The following CDC42BPG variants were observed in gnomAD, a reference collection of about 807,000 sequenced individuals.
The protein encoded by CDC42BPG is CDC42 binding protein kinase gamma.
In CDC42BPG, 157 loss-of-function variants were observed where a neutral mutation model predicts 192.2. That is an observed-to-expected ratio of 0.82 (90% CI 0.72 to 0.93). CDC42BPG has a LOEUF of 0.93. CDC42BPG is among the 40% of genes least tolerant of loss of function. The probability of loss-of-function intolerance (pLI) is 0.00; values close to 1 mark genes in which losing one functional copy is unlikely to be tolerated. For synonymous variants in CDC42BPG, 981 were observed against 918.5 expected (o/e 1.07, Z -1.23); for missense variants, 1,992 against 2,122.1 (o/e 0.94, Z 1.20).
chr11:64,825,701 C>T (rs576305914), intron 36 of CDC42BPG, among the ~76,000 whole-genome samples: 1 of 152,094 alleles, frequency 6.6e-6, no homozygotes, highest in East Asian at 1.9e-4. Context: ...TTTTCCCCTG[C>T]CCTCATTCAG....
chr11:64,838,938 G>A lies in CDC42BPG; in HGVS notation c.877-36C>T, dbSNP rs776063773. The A allele has an allele frequency of 2.5e-6, 4 of 1,607,912 alleles. No individual in the cohort carries two copies. In the South Asian group the frequency reaches 3.3e-5, roughly 13 times the overall value. ...GGGGAGGGGGCAGGCTGGGTCAAGT[G>A]TCCAGGAACCCAGCCTCACCTGCCG... On this transcript the variant is annotated intron_variant, in intron 7 of 36. Coordinates refer to ENST00000342711, the MANE Select transcript of CDC42BPG (RefSeq NM_017525.3).
At position 64,829,759 on chromosome 11, in the gene CDC42BPG, T is replaced by G. The variant is rs1186550273; in HGVS notation, c.3679A>C (p.Thr1227Pro). The stretch of plus-strand genomic sequence containing the variant: ...CCCAGCAGCCCCAGGCTCTGCACAG[T>G]GGCAGGTGCCTGCAGCTCACGGATG... Reference protein sequence around the residue: ...RRIRELQAPATVQSLGLLGDR... With the variant: ...RRIRELQAPAPVQSLGLLGDR... The change falls in exon 30 of 37, where the codon ACT becomes CCT. Residue 1227 changes from threonine (T) to proline (P), a missense_variant. Physicochemically the swap from Thr to Pro is conservative, Grantham distance 38. Around this residue, in one of 2 missense-constraint regions of CDC42BPG, gnomAD observed 1,656 missense variants for 1,844.3 expected, o/e 0.90. Coordinates refer to ENST00000342711, the MANE Select transcript of CDC42BPG (RefSeq NM_017525.3). 5 of 1,601,808 alleles carry G rather than the reference T, an allele frequency of 3.1e-6. No individual in the cohort carries two copies. Among genetic ancestry groups the G allele is most frequent in the Admixed American group, 3.5e-5 (2 of 57,832 alleles).
At position 64,836,705 on chromosome 11, in the gene CDC42BPG, CTGGG is replaced by C. The variant is rs1166160049; in HGVS notation, c.1384+30_1384+33del. ...ACCCGAGCCCAGGTGGGACTCAGCC[CTGGG>C]GGGGGGGGGGGGGTGGGCGGAAGGG... On this transcript the variant is annotated intron_variant, in intron 11 of 36. Coordinates refer to ENST00000342711, the MANE Select transcript of CDC42BPG (RefSeq NM_017525.3). 513 of 353,176 alleles carry C rather than the reference CTGGG, an allele frequency of 1.5e-3. 15 individuals carry two copies. The African/African-American group carries it at 0.017, about 12-fold the overall frequency. The allele number at this position is 353,176 out of a possible 1,614,324, so 21.9% of individuals were successfully genotyped here.
Position 64,841,570 on chromosome 11 carries a change from G to A in CDC42BPG, c.336+80C>T, listed in dbSNP as rs560758938. On this transcript the variant is annotated intron_variant, in intron 3 of 36. Transcript: ENST00000342711. The stretch of plus-strand genomic sequence containing the variant: ...GTCTGCAGCCTTGCCCGCCCCCCCC[G>A]CGCCATAGGCCCTGGCAGCATACAC... 1.2e-3 allele frequency: 542 copies of A among 464,346 alleles called. 7 individuals carry two copies. The South Asian group carries it at 0.02, about 17-fold the overall frequency. The allele number at this position is 464,346 out of a possible 1,614,324, so 28.8% of individuals were successfully genotyped here. A position where few individuals can be genotyped will look rare whatever the true frequency, so the allele number is the denominator to read the frequency against.
rs967940199 is a variant in CDC42BPG, at chr11:64,832,311, C to T, written c.3087+117G>A. The T allele has an allele frequency of 1.7e-5, 18 of 1,044,748 alleles. No individual in the cohort carries two copies. In the Admixed American group the frequency reaches 3.0e-4, roughly 17 times the overall value. 64.7% of individuals were successfully genotyped at this position (1,044,748 alleles called of 1,614,324 possible). A position where few individuals can be genotyped will look rare whatever the true frequency, so the allele number is the denominator to read the frequency against. On this transcript the variant is annotated intron_variant, in intron 27 of 36. Coordinates refer to ENST00000342711, the MANE Select transcript of CDC42BPG (RefSeq NM_017525.3). ...CCGGGCCAGGTGCTCACGTGGAAAG[C>T]GTGCTGTGGTTGTGGGCTGGCCCAA...
In CDC42BPG at chr11:64,834,362, G is replaced by C; in HGVS notation, c.2325-8C>G. On this transcript the variant is annotated splice_region_variant and splice_polypyrimidine_tract_variant and intron_variant, in intron 19 of 36. Coordinates refer to ENST00000342711, the MANE Select transcript of CDC42BPG (RefSeq NM_017525.3). ...TCGGCCTCCTGCAGACGGCTGGGGA[G>C]AATGGCAAGGGCTCGCCACTGGCCT... 2 of 1,566,216 alleles carry C rather than the reference G, an allele frequency of 1.3e-6. No individual in the cohort carries two copies. Among genetic ancestry groups the C allele is most frequent in the Non-Finnish European group, 1.7e-6 (2 of 1,159,598 alleles).
Position 64,838,103 on chromosome 11 carries a change from G to A in CDC42BPG, c.1185C>T (p.Gly395=). Residue 395 remains glycine, a synonymous_variant, in exon 9 of 37, where the codon GGC becomes GGT. Transcript: ENST00000342711. ...AFSGHHLPFV[G]FTYTSGSHSP... is the part of the protein sequence containing the mutation. ...CTCACCTGCCTGAGGTGTAGGTGAA[G>A]CCCACGAATGGCAGGTGATGGCCGG... 6.4e-7 allele frequency: 1 copy of A among 1,552,228 alleles called. No individual in the cohort carries two copies. Among genetic ancestry groups the A allele is most frequent in the Non-Finnish European group, 8.7e-7 (1 of 1,148,106 alleles).
At chr11:64,824,673 T>A in intron 36 of CDC42BPG, 144 bp from the exon 37 acceptor site, 1 of 607,738 alleles carries the variant, frequency 1.6e-6, no homozygotes, top group Non-Finnish European at 3.0e-6. Context: ...AGGTGAGGAG[T>A]AGAGGTGGTA....
chr11:64,824,500 TA>T lies in CDC42BPG; in HGVS notation c.4628del (p.Leu1543HisfsTer14), dbSNP rs757710665. ...AAGGAGAGCTCTCCAATTCAGGGGA[TA>T]GGGGGAGGCTTCGGGGCCGTTCTGA... ...QVSERPRSLP[L>X]SPELESSP On this transcript the variant is annotated frameshift_variant, in exon 37 of 37. Transcript: ENST00000342711. LOFTEE classifies it high-confidence loss of function. 8.7e-6 allele frequency: 14 copies of T among 1,607,330 alleles called. No homozygotes were observed. Among genetic ancestry groups the T allele is most frequent in the Non-Finnish European group, 1.0e-5 (12 of 1,174,022 alleles).
At chr11:64,826,392 C>A in intron 36 of CDC42BPG, 78 bp downstream of exon 36, 1 of 980,516 alleles carries the variant, frequency 1.0e-6, no homozygotes, top group South Asian at 1.4e-5. Flanking sequence ...TAGCCTAGGT[C>A]ACTGTGCAAG....
At chr11:64,843,021 G>T (rs1044681664) in intron 1 of CDC42BPG, among the ~76,000 whole-genome samples, 1 of 151,908 alleles carries the variant, frequency 6.6e-6, no homozygotes, top group African/African-American at 2.4e-5. Context: ...GAGCAGCCCC[G>T]GGCCTCCCCG....
Position 64,840,587 on chromosome 11 carries a change from G to C in CDC42BPG, c.398C>G (p.Thr133Ser), listed in dbSNP as rs769004637. The part of the protein sequence containing the change: ...LVKGDSRWVT[T>S]LHYAFQDEEY... Reference sequence around the variant, plus strand: ...CTCGTCTTGGAAGGCATAGTGCAGAGTGGTCACCCAACGGCTGTCCCCTTT... The same window carrying C: ...CTCGTCTTGGAAGGCATAGTGCAGACTGGTCACCCAACGGCTGTCCCCTTT... Residue 133 changes from threonine (T) to serine (S), a missense_variant, in exon 4 of 37, where the codon ACT becomes AGT. Thr to Ser is a moderately conservative substitution (Grantham distance 58). Transcript: ENST00000342711. The C allele has an allele frequency of 1.2e-6, 2 of 1,614,010 alleles. No homozygotes were observed. The highest frequency in any genetic ancestry group is 1.3e-5 in the African/African-American group (1 of 75,078).
intron 20 of CDC42BPG, 83 bp downstream of exon 20, chr11:64,834,183 G>A (rs1010259183): frequency 2.1e-6 from 3 of 1,443,938 alleles, no homozygotes; most frequent in Admixed American, 2.1e-5. Flanking sequence ...CCACCACCCT[G>A]CCAGGCCATC....
At chr11:64,830,140 GC>G in intron 29 of CDC42BPG, 53 bp downstream of exon 29, 1 of 1,612,698 alleles carries the variant, frequency 6.2e-7, no homozygotes, top group Non-Finnish European at 8.5e-7. Context: ...ATCCTCCTCT[GC>G]CCGCTGGGGC....
chr11:64,838,638 G>A lies in CDC42BPG; in HGVS notation c.1125+16C>T. On this transcript the variant is annotated intron_variant, in intron 8 of 36. Transcript: ENST00000342711. ...GGTAGGGCAGCTCCCCTCCTGCAGT[G>A]GCCTTTGCCACTCACTGGATGGTTG... is the stretch of plus-strand genomic sequence containing the variant. The A allele has an allele frequency of 6.2e-7, 1 of 1,610,642 alleles. No individual in the cohort carries two copies. Among genetic ancestry groups the A allele is most frequent in the Non-Finnish European group, 8.5e-7 (1 of 1,177,888 alleles).
intron 16 of CDC42BPG, 62 bp downstream of exon 16, chr11:64,835,285 T>G (rs561895): frequency 1.9e-6 from 3 of 1,611,144 alleles, no homozygotes; most frequent in Admixed American, 3.3e-5. Context: ...TGCCCACCCC[T>G]CAACTGGCTC....
chr11:64,831,414 TG>T, intron 28 of CDC42BPG, 90 bp downstream of exon 28: 1 of 1,191,448 alleles, frequency 8.4e-7, no homozygotes, highest in Non-Finnish European at 1.2e-6. Flanking sequence ...CTGCAGGGAA[TG>T]GGCAGTAGCA....
In CDC42BPG at chr11:64,832,902, G is replaced by T. The variant is rs1396518520; in HGVS notation, c.2789C>A (p.Pro930His). 1 of 1,551,792 alleles carries T rather than the reference G, an allele frequency of 6.4e-7. No homozygotes were observed. The highest frequency in any genetic ancestry group is 2.4e-5 in the East Asian group (1 of 40,996). Reference protein sequence around the residue: ...CAPQAPPCPVPPDLLRTALGV... With the variant: ...CAPQAPPCPVHPDLLRTALGV... ...CAGGGCTGTGCGGAGGAGGTCAGGG[G>T]GCACGGGGCAGGGTGGGGCCTGTGG... is the stretch of plus-strand genomic sequence containing the variant. The change falls in exon 25 of 37, where the codon CCC becomes CAC. Residue 930 changes from proline (P) to histidine (H), a missense_variant. By Grantham distance (77) the Pro-to-His change is moderately conservative. Transcript: ENST00000342711.
rs1401351410 is a variant in CDC42BPG, at chr11:64,826,669, A to T, written c.4513+2T>A. 6.4e-7 allele frequency: 1 copy of T among 1,574,004 alleles called. No homozygotes were observed. The highest frequency in any genetic ancestry group is 8.6e-7 in the Non-Finnish European group (1 of 1,160,020). ...CACTGGAGGCTGAGGGGCTGCCCTTACTGGGGTCTGCGTCTCCACCGAGGC... is the reference window on the plus strand; with the variant it reads ...CACTGGAGGCTGAGGGGCTGCCCTTTCTGGGGTCTGCGTCTCCACCGAGGC... On this transcript the variant is annotated splice_donor_variant, in intron 35 of 36. Transcript: ENST00000342711. LOFTEE classifies it high-confidence loss of function.
Sources: allele counts gnomAD v4.1 joint callset (sites outside exome capture counted in the v4.1 genomes callset), GRCh38; gene constraint gnomAD v4.1.1; regional missense constraint gnomAD v4.1.1; transcripts MANE v1.5; gene names NCBI Gene and HGNC (gene_info 2026-07-23, HGNC 2026-07-21).